RGS20: variants seen among roughly 807,000 people sequenced by gnomAD.
RGS20 encodes the protein regulator of G protein signaling 20.
In RGS20, 30 loss-of-function variants were observed where a neutral mutation model predicts 33.6. The ratio of observed to expected loss-of-function variants is 0.89; its 90% CI spans 0.67 to 1.21. The LOEUF (loss-of-function observed/expected upper bound fraction) is 1.21. Among genes scored for constraint, RGS20 ranks in the 50% most tolerant of loss-of-function variants. The pLI is 0.00. For synonymous variants in RGS20, 208 were observed against 197.9 expected (o/e 1.05, Z -0.43); for missense variants, 472 against 502.4 (o/e 0.94, Z 0.58).
intron 2 of RGS20, among the ~76,000 whole-genome samples, chr8:53,898,044 C>G (rs1447644073): frequency 6.6e-6 from 1 of 152,148 alleles, no homozygotes; most frequent in Non-Finnish European, 1.5e-5. Context: ...TTTGGGAGCT[C>G]TGTTCCTCAG....
intron 3 of RGS20, 43 bp from the exon 3 acceptor site, chr8:53,946,622 G>C (rs1364126345): frequency 6.8e-7 from 1 of 1,469,146 alleles, no homozygotes; most frequent in South Asian, 1.2e-5. Context: ...TCTTTTCTTG[G>C]CAGGGACTGA....
chr8:53,946,489 C>A, intron 3 of RGS20, 176 bp from the exon 3 acceptor site: 1 of 705,730 alleles, frequency 1.4e-6, no homozygotes, highest in Non-Finnish European at 2.6e-6. Flanking sequence ...TTTCTAGTAC[C>A]TTATTGTCAC....
intron 2 of RGS20, chr8:53,880,964 T>TAG: frequency 6.3e-7 from 1 of 1,578,152 alleles, no homozygotes; most frequent in South Asian, 1.1e-5. Context: ...ATCGCCGACG[T>TAG]AGAGAGGGCA....
Sources: gnomAD v4.1 joint callset for allele counts (sites outside exome capture counted in the v4.1 genomes callset) on GRCh38, gnomAD v4.1.1 for gene constraint, MANE v1.5 for transcripts, NCBI Gene and HGNC (gene_info 2026-07-23, HGNC 2026-07-21) for gene names.